AGBL1: variants seen among roughly 807,000 people sequenced by gnomAD.
AGBL1 encodes the protein AGBL carboxypeptidase 1.
In AGBL1, 130 loss-of-function variants were observed where a neutral mutation model predicts 118.9. The observed-to-expected ratio is 1.09, with a 90% CI of 0.95 to 1.26. The LOEUF is 1.26. Among genes scored for constraint, AGBL1 ranks in the 50% most tolerant of loss-of-function variants. The probability of loss-of-function intolerance (pLI) is 0.00; values close to 1 mark genes in which losing one functional copy is unlikely to be tolerated. For synonymous variants in AGBL1, 555 were observed against 478.9 expected (o/e 1.16, Z -2.08); for missense variants, 1,584 against 1,298.1 (o/e 1.22, Z -3.38).
chr15:86,680,146 C>G (rs2085926758), intron 22 of AGBL1, among the ~76,000 whole-genome samples: 1 of 152,134 alleles, frequency 6.6e-6, no homozygotes, highest in Non-Finnish European at 1.5e-5. Flanking sequence ...TAAGAATTAT[C>G]TATGGCATTT....
intron 19 of AGBL1, among the ~76,000 whole-genome samples, chr15:86,536,919 G>C (rs539048406): frequency 6.6e-6 from 1 of 152,326 alleles, no homozygotes; most frequent in East Asian, 1.9e-4. Context: ...ACACGGAAGA[G>C]ACTTGTGCAT....
chr15:86,684,374 A>G (rs2086015236), intron 22 of AGBL1, among the ~76,000 whole-genome samples: 1 of 152,094 alleles, frequency 6.6e-6, no homozygotes, highest in Non-Finnish European at 1.5e-5. Context: ...ATTCTACTGT[A>G]CCCAAGATGA....
chr15:86,762,964 G>A (rs938694705), intron 22 of AGBL1, among the ~76,000 whole-genome samples: 1 of 151,914 alleles, frequency 6.6e-6, no homozygotes, highest in African/African-American at 2.4e-5. Flanking sequence ...AAACACCATA[G>A]CACTGTGCTA....
In AGBL1 at chr15:86,141,991, G is replaced by T. The variant is rs1186471553; in HGVS notation, c.52-13G>T. The T allele has an allele frequency of 6.5e-7, 1 of 1,549,260 alleles. No homozygotes were observed. The highest frequency in any genetic ancestry group is 8.7e-7 in the Non-Finnish European group (1 of 1,146,366). On this transcript the variant is annotated splice_polypyrimidine_tract_variant and intron_variant, in intron 1 of 22. Transcript: ENST00000614907. ...TGCATTCTTAAATATGGCTGCCTGT[G>T]TTCTCATTGCAGAGCTCCTCTGACA...
chr15:86,461,186 C>G (rs1347332433), intron 18 of AGBL1, among the ~76,000 whole-genome samples: 1 of 152,110 alleles, frequency 6.6e-6, no homozygotes, highest in African/African-American at 2.4e-5. Flanking sequence ...GCTGCCTCTA[C>G]CATGCCCCAT....
Position 86,526,544 on chromosome 15 carries a change from GTATA to G in AGBL1, c.2685+3632_2685+3635del, listed in dbSNP as rs1555422465. Among the ~76,000 whole-genome samples, 284 of 119,430 alleles carry G rather than the reference GTATA, an allele frequency of 2.4e-3. 2 individuals carry two copies. The highest frequency in any genetic ancestry group is 7.6e-3 in the African/African-American group (232 of 30,472). The allele number at this position is 119,430 out of a possible 152,430, so 78.4% of individuals were successfully genotyped here. A position where few individuals can be genotyped will look rare whatever the true frequency, so the allele number is the denominator to read the frequency against. On this transcript the variant is annotated intron_variant, in intron 19 of 22. Transcript: ENST00000614907. The stretch of plus-strand genomic sequence containing the variant: ...TGCACACAGATATGTTTGTGTCTGT[GTATA>G]TATATATATATATATATATATATAT...
intron 1 of AGBL1, among the ~76,000 whole-genome samples, chr15:86,081,014 G>A (rs1054237600): frequency 8.5e-5 from 13 of 152,048 alleles, no homozygotes; most frequent in Non-Finnish European, 1.3e-4. Flanking sequence ...TCCCTGTTGG[G>A]AAAAATGTTC....
Position 86,827,370 on chromosome 15 carries a change from T to C in AGBL1, c.3159-79717T>C, listed in dbSNP as rs1249146809. ...ATATATATATATATATATGTGTGTG[T>C]ATATATATATATACACATATATATA... is the stretch of plus-strand genomic sequence containing the variant. On this transcript the variant is annotated intron_variant, in intron 22 of 22. Coordinates refer to ENST00000614907, the MANE Select transcript of AGBL1 (RefSeq NM_001386094.1). Among the ~76,000 whole-genome samples the C allele has an allele frequency of 6.1e-3, 53 of 8,752 alleles. 4 individuals are homozygous for C. In the East Asian group the frequency reaches 0.38, roughly 62 times the overall value. The allele number at this position is 8,752 out of a possible 152,430, so 5.7% of individuals were successfully genotyped here.
intron 21 of AGBL1, among the ~76,000 whole-genome samples, chr15:86,593,990 A>G (rs2084373591): frequency 6.6e-6 from 1 of 151,900 alleles, no homozygotes; most frequent in South Asian, 2.1e-4. Context: ...CAGTGCAATC[A>G]TAGCTCACTG....
intron 22 of AGBL1, among the ~76,000 whole-genome samples, chr15:86,825,768 G>T (rs1005424532): frequency 2.6e-5 from 4 of 151,458 alleles, no homozygotes; most frequent in Admixed American, 6.6e-5. Context: ...ACCAATAATG[G>T]GATACCTATC....
At chr15:86,528,253 A>C (rs1462310109) in intron 19 of AGBL1, among the ~76,000 whole-genome samples, 3 of 152,190 alleles carry the variant, frequency 2.0e-5, no homozygotes, top group Non-Finnish European at 4.4e-5. Context: ...GGGTGCACGC[A>C]CCGGGCGCGA....
At chr15:86,523,018 C>T in intron 19 of AGBL1, 79 bp downstream of exon 19, 2 of 1,500,248 alleles carry the variant, frequency 1.3e-6, no homozygotes, top group Non-Finnish European at 1.8e-6. Context: ...TCTGCCAAGG[C>T]AAGAATAGAC....
intron 23 of AGBL1, among the ~76,000 whole-genome samples, chr15:86,956,880 A>G (rs1044246169): frequency 1.3e-5 from 2 of 152,188 alleles, no homozygotes; most frequent in East Asian, 1.9e-4. Context: ...TAATATTTAC[A>G]TAAGTTAAAC....
chr15:86,692,110 G>A (rs894986883), intron 22 of AGBL1, among the ~76,000 whole-genome samples: 6 of 151,882 alleles, frequency 4.0e-5, no homozygotes, highest in East Asian at 3.9e-4. Flanking sequence ...CCCGGGAGGC[G>A]GAGCTTGCAG....
In AGBL1 at chr15:86,080,092, G is replaced by A. The variant is rs573346827; in HGVS notation, c.51+69G>A. 259 of 1,172,054 alleles carry A rather than the reference G, an allele frequency of 2.2e-4. 1 individual carries two copies. The highest frequency in any genetic ancestry group is 2.6e-4 in the Non-Finnish European group (245 of 932,730). The allele number at this position is 1,172,054 out of a possible 1,614,324, so 72.6% of individuals were successfully genotyped here. A position where few individuals can be genotyped will look rare whatever the true frequency, so the allele number is the denominator to read the frequency against. Reference sequence around the variant, plus strand: ...TTTGCCTGGGCTGGCCTGCCTGGGAGCTATGCACACAGTCCCCTCTGGCAG... The same window carrying A: ...TTTGCCTGGGCTGGCCTGCCTGGGAACTATGCACACAGTCCCCTCTGGCAG... On this transcript the variant is annotated intron_variant, in intron 1 of 22. Coordinates refer to ENST00000614907, the MANE Select transcript of AGBL1 (RefSeq NM_001386094.1).
intron 17 of AGBL1, among the ~76,000 whole-genome samples, chr15:86,308,134 T>C (rs546146118): frequency 1.3e-5 from 2 of 152,320 alleles, no homozygotes; most frequent in East Asian, 1.9e-4. Context: ...GATTAAACTA[T>C]GTTAACATGT....
At chr15:86,534,523 G>A (rs184044060) in intron 19 of AGBL1, among the ~76,000 whole-genome samples, 13 of 152,232 alleles carry the variant, frequency 8.5e-5, no homozygotes, top group Middle Eastern at 3.4e-3. Context: ...TTGATGGGTC[G>A]CAGAGATTCA....
intron 7 of AGBL1, among the ~76,000 whole-genome samples, chr15:86,255,737 G>A (rs1208794239): frequency 6.6e-6 from 1 of 152,050 alleles, no homozygotes. Flanking sequence ...AGCTGAGATC[G>A]TGCCACTGCA....
chr15:86,925,693 T>C (rs1172838995), intron 23 of AGBL1, among the ~76,000 whole-genome samples: 1 of 150,540 alleles, frequency 6.6e-6, no homozygotes, highest in Non-Finnish European at 1.5e-5. Context: ...CTTTTCTTTT[T>C]TTCTTTTTTC....
Sources: allele counts gnomAD v4.1 joint callset (sites outside exome capture counted in the v4.1 genomes callset), GRCh38; gene constraint gnomAD v4.1.1; transcripts MANE v1.5; gene names NCBI Gene and HGNC (gene_info 2026-07-23, HGNC 2026-07-21).